Variants in CACNG2 observed in about 807,000 individuals in gnomAD.
CACNG2 encodes the protein calcium voltage-gated channel auxiliary subunit gamma 2.
CACNG2 carries 3 observed loss-of-function variants against 25.9 expected under a neutral mutation model. The observed-to-expected ratio is 0.12, with a 90% CI of 0.05 to 0.30. CACNG2 has a LOEUF of 0.30. CACNG2 is among the 10% of genes least tolerant of loss of function. The probability of loss-of-function intolerance (pLI) is 1.00; values close to 1 mark genes in which losing one functional copy is unlikely to be tolerated. For missense variants in CACNG2, 341 were observed against 432.5 expected, an observed-to-expected ratio of 0.79 and a Z score of 1.88; for synonymous variants, 167 against 173.3, an observed-to-expected ratio of 0.96 and a Z score of 0.29.
intron 2 of CACNG2, among the ~76,000 whole-genome samples, chr22:36,573,026 C>T (rs902982776): frequency 4.6e-5 from 7 of 152,120 alleles, no homozygotes; most frequent in African/African-American, 7.2e-5. Flanking sequence ...GCCTGGATAA[C>T]GTGCTATGAA....
chr22:36,702,759 G>A lies in CACNG2; in HGVS notation c.-183C>T, dbSNP rs542472417. On this transcript the variant is annotated 5_prime_UTR_variant, in exon 1 of 4. Coordinates refer to ENST00000300105, the MANE Select transcript of CACNG2 (RefSeq NM_006078.5). ...AAAAAAGGGAGGTAAGAAAGCTCAC[G>A]GAAAAGAGTGTAAATTATAAAGATC... 1.4e-3 allele frequency: 776 copies of A among 568,428 alleles called. 2 individuals carry two copies. The highest frequency in any genetic ancestry group is 1.7e-3 in the South Asian group (72 of 41,248). 35.2% of individuals were successfully genotyped at this position (568,428 alleles called of 1,614,324 possible).
At chr22:36,575,032 C>T (rs1160913884) in intron 2 of CACNG2, among the ~76,000 whole-genome samples, 1 of 152,114 alleles carries the variant, frequency 6.6e-6, no homozygotes, top group Non-Finnish European at 1.5e-5. Flanking sequence ...CTTGGGGAGC[C>T]CCAATGGTTA....
chr22:36,635,312 A>T (rs1936339622), intron 1 of CACNG2, among the ~76,000 whole-genome samples: 2 of 152,056 alleles, frequency 1.3e-5, no homozygotes, highest in Admixed American at 1.3e-4. Context: ...AAAATGGTCA[A>T]TCAAAAAAGA....
chr22:36,626,203 AG>A (rs1403578044), intron 1 of CACNG2, among the ~76,000 whole-genome samples: 23 of 152,216 alleles, frequency 1.5e-4, no homozygotes. Context: ...TACAGGCGTG[AG>A]CCACCGCACC....
At chr22:36,650,530 C>T (rs1936594969) in intron 1 of CACNG2, among the ~76,000 whole-genome samples, 1 of 152,072 alleles carries the variant, frequency 6.6e-6, no homozygotes, top group African/African-American at 2.4e-5. Context: ...TGTGCCACCA[C>T]ACCCAGCTAA....
At chr22:36,586,096 C>T (rs1245509954) in intron 2 of CACNG2, among the ~76,000 whole-genome samples, 1 of 152,270 alleles carries the variant, frequency 6.6e-6, no homozygotes, top group East Asian at 1.9e-4. Flanking sequence ...CTTCTACATT[C>T]AGGCCTCACC....
chr22:36,660,625 C>T (rs1019408059), intron 1 of CACNG2, among the ~76,000 whole-genome samples: 2 of 152,240 alleles, frequency 1.3e-5, no homozygotes, highest in African/African-American at 4.8e-5. Flanking sequence ...AGCCTGGCCC[C>T]CCACCTTGCC....
chr22:36,565,671 G>A (rs1167753318), intron 3 of CACNG2, among the ~76,000 whole-genome samples: 1 of 152,024 alleles, frequency 6.6e-6, no homozygotes, highest in East Asian at 1.9e-4. Flanking sequence ...CTGTAGAGAC[G>A]CGGTCTTGAG....
At chr22:36,572,900 T>G (rs1475108833) in intron 2 of CACNG2, among the ~76,000 whole-genome samples, 3 of 152,166 alleles carry the variant, frequency 2.0e-5, no homozygotes, top group Admixed American at 6.6e-5. Context: ...TGCCCACCGC[T>G]GTGCTAGACC....
chr22:36,607,268 G>A (rs1197001225), intron 1 of CACNG2, among the ~76,000 whole-genome samples: 1 of 151,862 alleles, frequency 6.6e-6, no homozygotes, highest in Non-Finnish European at 1.5e-5. Flanking sequence ...CTTTTTTTGA[G>A]CCAGGGACTT....
chr22:36,665,386 G>A (rs1049458056), intron 1 of CACNG2, among the ~76,000 whole-genome samples: 3 of 152,196 alleles, frequency 2.0e-5, no homozygotes, highest in East Asian at 3.8e-4. Flanking sequence ...GGGTTGTCAC[G>A]AGGATTGATG....
rs1935128072 is a variant in CACNG2, at chr22:36,566,461, G to T, written c.328C>A (p.Leu110Met). The T allele has an allele frequency of 6.2e-7, 1 of 1,614,152 alleles. No homozygotes were observed. The highest frequency in any genetic ancestry group is 8.5e-7 in the Non-Finnish European group (1 of 1,180,024). Residue 110 changes from leucine (L) to methionine (M), a missense_variant, in exon 3 of 4, where the codon CTG (leucine) becomes ATG (methionine). This residue lies in a region of CACNG2 where 169 missense variants were observed against 254.4 expected (regional missense o/e 0.66). Coordinates refer to ENST00000300105, the MANE Select transcript of CACNG2 (RefSeq NM_006078.5). Reference protein sequence around the residue: ...AVRASSIFPILSVILLFMGGL... With the variant: ...AVRASSIFPIMSVILLFMGGL... ...CCCATGAAAAGCAGAATCACACTCAGGATTGGGAAAATGCTGGAGGCCCTC... is the reference window on the plus strand; with the variant it reads ...CCCATGAAAAGCAGAATCACACTCATGATTGGGAAAATGCTGGAGGCCCTC...
At chr22:36,594,480 G>T (rs1359730856) in intron 1 of CACNG2, among the ~76,000 whole-genome samples, 1 of 152,248 alleles carries the variant, frequency 6.6e-6, no homozygotes, top group Non-Finnish European at 1.5e-5. Flanking sequence ...TATGATGGCA[G>T]ACAGAAAACA....
At chr22:36,632,929 A>G (rs1003711283) in intron 1 of CACNG2, among the ~76,000 whole-genome samples, 4 of 151,840 alleles carry the variant, frequency 2.6e-5, no homozygotes, top group African/African-American at 7.3e-5. Context: ...CCCCCTTCCC[A>G]ATCTTCTTTG....
chr22:36,589,420 G>A (rs60900183), intron 1 of CACNG2, among the ~76,000 whole-genome samples: 2 of 152,142 alleles, frequency 1.3e-5, no homozygotes, highest in Admixed American at 6.5e-5. Flanking sequence ...CAACCTAATA[G>A]TACACAGGTA....
rs2146024860 is a variant in CACNG2 at position 36,702,874 on chromosome 22, G to C, written c.-298C>G. 1 of 268,396 alleles carries C rather than the reference G, an allele frequency of 3.7e-6. No individual in the cohort carries two copies. Among genetic ancestry groups the C allele is most frequent in the Non-Finnish European group, 6.9e-6 (1 of 145,702 alleles). 16.6% of individuals were successfully genotyped at this position (268,396 alleles called of 1,614,324 possible). ...AAGAAAAGGAAAAAAAAAATAAAAA[G>C]ACACCCCCCACCCCCCCAAGTGAGA... On this transcript the variant is annotated 5_prime_UTR_variant, in exon 1 of 4. Coordinates refer to ENST00000300105, the MANE Select transcript of CACNG2 (RefSeq NM_006078.5).
chr22:36,596,768 T>C (rs544784938), intron 1 of CACNG2, among the ~76,000 whole-genome samples: 140 of 152,090 alleles, frequency 9.2e-4, no homozygotes, highest in Non-Finnish European at 1.7e-3. Flanking sequence ...TCTTCAGTTC[T>C]TTTTTTTGAG....
intron 1 of CACNG2, among the ~76,000 whole-genome samples, chr22:36,667,570 C>A (rs901130151): frequency 3.9e-5 from 6 of 152,138 alleles, no homozygotes; most frequent in Non-Finnish European, 7.4e-5. Context: ...GGACTTATGA[C>A]CTGTTATTAT....
chr22:36,621,235 C>T (rs892930201), intron 1 of CACNG2, among the ~76,000 whole-genome samples: 26 of 152,192 alleles, frequency 1.7e-4, no homozygotes, highest in African/African-American at 5.5e-4. Flanking sequence ...TGGCCGGGTG[C>T]GGGGGCTCAC....
Sources: allele counts gnomAD v4.1 joint callset (sites outside exome capture counted in the v4.1 genomes callset), GRCh38; gene constraint gnomAD v4.1.1; regional missense constraint gnomAD v4.1.1; transcripts MANE v1.5; gene names NCBI Gene and HGNC (gene_info 2026-07-23, HGNC 2026-07-21).